Variants in ZFPM2 observed in about 807,000 individuals in gnomAD.
ZFPM2 encodes zinc finger protein ZFPM2.
In ZFPM2, 20 loss-of-function variants were observed where a neutral mutation model predicts 98.6. The observed-to-expected ratio is 0.20, with a 90% CI of 0.14 to 0.29. The LOEUF (loss-of-function observed/expected upper bound fraction) is 0.29. ZFPM2 is among the 10% of genes least tolerant of loss of function. The pLI is 1.00. For synonymous variants in ZFPM2, 518 were observed against 502.7 expected (o/e 1.03, Z -0.41); for missense variants, 1,310 against 1,388.6 (o/e 0.94, Z 0.90).
At position 105,802,993 on chromosome 8, in the gene ZFPM2, G is replaced by A. The variant is rs1276441143; in HGVS notation, c.2911G>A (p.Ala971Thr). The change falls in exon 8 of 8, where the codon GCA becomes ACA. Residue 971 changes from alanine to threonine, a missense_variant. Ala to Thr is a moderately conservative substitution (Grantham distance 58, BLOSUM62 0). Coordinates refer to ENST00000407775, the MANE Select transcript of ZFPM2 (RefSeq NM_012082.4). ...TCTTCCACAATGCCTTTACCCTGGAGCAATAAAGAAAGCAAAAGGAGCCGA... is the reference window on the plus strand; with the variant it reads ...TCTTCCACAATGCCTTTACCCTGGAACAATAAAGAAAGCAAAAGGAGCCGA... ...LFLPQCLYPGAIKKAKGADQL... is the reference protein window; with the variant it reads ...LFLPQCLYPGTIKKAKGADQL... The A allele has an allele frequency of 1.2e-6, 2 of 1,612,852 alleles. No individual in the cohort carries two copies. The highest frequency in any genetic ancestry group is 1.1e-5 in the South Asian group (1 of 90,944).
intron 4 of ZFPM2, among the ~76,000 whole-genome samples, chr8:105,580,821 C>CTATA (rs1246550089): frequency 0.021 from 2,494 of 119,586 alleles, 33 homozygotes; most frequent in Admixed American, 0.051. Context: ...CTCTCTCTCT[C>CTATA]TCTCTCTATA....
chr8:105,456,557 G>A (rs1319632223), intron 3 of ZFPM2, among the ~76,000 whole-genome samples: 3 of 152,000 alleles, frequency 2.0e-5, no homozygotes, highest in African/African-American at 4.8e-5. Flanking sequence ...TCTGAATTTA[G>A]GGGTATGCTT....
chr8:105,328,596 C>A (rs1434437687), intron 1 of ZFPM2, among the ~76,000 whole-genome samples: 1 of 151,788 alleles, frequency 6.6e-6, no homozygotes, highest in East Asian at 1.9e-4. Context: ...CTAGATTTGG[C>A]AACAGCATTG....
chr8:105,344,192 C>A lies in ZFPM2; in HGVS notation c.40+25211C>A, dbSNP rs1330250285. Reference sequence around the variant, plus strand: ...CAACTCATGGGAATTGTCAGAGCTACAGTTCAAAATGAGATTTGGGTGGGG... The same window carrying A: ...CAACTCATGGGAATTGTCAGAGCTAAAGTTCAAAATGAGATTTGGGTGGGG... On this transcript the variant is annotated intron_variant, in intron 1 of 7. Coordinates refer to ENST00000407775, the MANE Select transcript of ZFPM2 (RefSeq NM_012082.4). Among the ~76,000 whole-genome samples, 11 of 152,086 alleles carry A rather than the reference C, an allele frequency of 7.2e-5. No individual in the cohort carries two copies. In the South Asian group the frequency reaches 8.3e-4, roughly 11 times the overall value.
Position 105,757,693 on chromosome 8 carries a change from G to C in ZFPM2, c.533-31025G>C, listed in dbSNP as rs548723989. Among the ~76,000 whole-genome samples, 10 of 152,222 alleles carry C rather than the reference G, an allele frequency of 6.6e-5. No individual in the cohort carries two copies. In the South Asian group the frequency reaches 1.5e-3, roughly 22 times the overall value. On this transcript the variant is annotated intron_variant, in intron 5 of 7. Transcript: ENST00000407775. ...ACACACCTACCAACAATCTGGAATGGTATTGTGTGGATGAGCAGGGCCATC... is the reference window on the plus strand; with the variant it reads ...ACACACCTACCAACAATCTGGAATGCTATTGTGTGGATGAGCAGGGCCATC...
intron 1 of ZFPM2, among the ~76,000 whole-genome samples, chr8:105,395,093 C>CA (rs1811194439): frequency 6.6e-6 from 1 of 152,130 alleles, no homozygotes; most frequent in Non-Finnish European, 1.5e-5. Context: ...ATTACAGCCC[C>CA]TACATATCTC....
chr8:105,799,783 A>G (rs1813947310), intron 7 of ZFPM2, among the ~76,000 whole-genome samples: 1 of 152,084 alleles, frequency 6.6e-6, no homozygotes, highest in Admixed American at 6.6e-5. Flanking sequence ...TATAATACAA[A>G]CCTTGTAGGA....
chr8:105,573,230 G>T (rs1411987101), intron 4 of ZFPM2, among the ~76,000 whole-genome samples: 2 of 152,134 alleles, frequency 1.3e-5, no homozygotes, highest in Non-Finnish European at 2.9e-5. Context: ...AGGACAGGGA[G>T]CCCAAGACAA....
intron 4 of ZFPM2, among the ~76,000 whole-genome samples, chr8:105,603,959 ATTC>A (rs1816145334): frequency 6.6e-6 from 1 of 151,874 alleles, no homozygotes; most frequent in African/African-American, 2.4e-5. Flanking sequence ...ACTCCGGTCT[ATTC>A]TTTTCTTTAG....
At chr8:105,365,077 A>C (rs901326672) in intron 1 of ZFPM2, among the ~76,000 whole-genome samples, 5 of 152,134 alleles carry the variant, frequency 3.3e-5, no homozygotes, top group African/African-American at 1.2e-4. Flanking sequence ...CTTGGTTCAT[A>C]AGTGCTGGTG....
At chr8:105,651,935 C>T (rs958816502) in intron 5 of ZFPM2, among the ~76,000 whole-genome samples, 3 of 152,076 alleles carry the variant, frequency 2.0e-5, no homozygotes, top group Non-Finnish European at 2.9e-5. Flanking sequence ...TTTTAAAATA[C>T]CAGAGAATCT....
intron 3 of ZFPM2, among the ~76,000 whole-genome samples, chr8:105,487,923 T>TATCTATCC (rs1813264344): frequency 9.5e-6 from 1 of 104,996 alleles, no homozygotes; most frequent in Non-Finnish European, 2.1e-5. Context: ...TCTATCTATC[T>TATCTATCC]ATCTATCTAG....
At chr8:105,324,637 C>G (rs1318982416) in intron 1 of ZFPM2, among the ~76,000 whole-genome samples, 4 of 151,812 alleles carry the variant, frequency 2.6e-5, no homozygotes, top group Non-Finnish European at 5.9e-5. Flanking sequence ...TCCCCATAAC[C>G]AGGACAGATC....
chr8:105,580,691 C>A (rs2130740871), intron 4 of ZFPM2, among the ~76,000 whole-genome samples: 1 of 152,056 alleles, frequency 6.6e-6, no homozygotes, highest in Admixed American at 6.6e-5. Flanking sequence ...ATTAATTACT[C>A]ATTTGAGAAA....
chr8:105,349,049 AGAT>A (rs1490767057), intron 1 of ZFPM2, among the ~76,000 whole-genome samples: 1 of 152,174 alleles, frequency 6.6e-6, no homozygotes, highest in Non-Finnish European at 1.5e-5. Flanking sequence ...TTACAGAAAA[AGAT>A]GATAAATGAG....
At chr8:105,443,327 A>C (rs1332980422) in intron 2 of ZFPM2, among the ~76,000 whole-genome samples, 1 of 139,346 alleles carries the variant, frequency 7.2e-6, no homozygotes, top group African/African-American at 2.7e-5. Flanking sequence ...AACAAAAAAC[A>C]AAAAAAAAAA....
intron 3 of ZFPM2, among the ~76,000 whole-genome samples, chr8:105,445,530 G>C (rs1812350073): frequency 6.6e-6 from 1 of 151,812 alleles, no homozygotes; most frequent in African/African-American, 2.4e-5. Context: ...GTAGGGAAAA[G>C]ATTTTCGGAA....
intron 5 of ZFPM2, among the ~76,000 whole-genome samples, chr8:105,712,517 C>A (rs1284402082): frequency 1.4e-5 from 2 of 146,620 alleles, no homozygotes; most frequent in African/African-American, 4.9e-5. Context: ...AAGAGCCAGT[C>A]ATTAAATTTG....
chr8:105,634,499 AT>A (rs1816811462), intron 5 of ZFPM2, 142 bp downstream of exon 5: 1 of 664,706 alleles, frequency 1.5e-6, no homozygotes, highest in Admixed American at 2.8e-5. Context: ...TCTAATGTGT[AT>A]TTTCAGTAAA....
Sources: gnomAD v4.1 joint callset for allele counts (sites outside exome capture counted in the v4.1 genomes callset) on GRCh38, gnomAD v4.1.1 for gene constraint, MANE v1.5 for transcripts, NCBI Gene and HGNC (gene_info 2026-07-23, HGNC 2026-07-21) for gene names.